Variants in CPSF3 observed in about 807,000 individuals in gnomAD.
CPSF3 encodes cleavage and polyadenylation specificity factor subunit 3.
Under a neutral mutation model 84.1 loss-of-function variants are expected in CPSF3, and 57 were observed. That is an observed-to-expected ratio of 0.68 (90% CI 0.55 to 0.85). The LOEUF is 0.85. Ranked by LOEUF, CPSF3 falls within the 40% of genes least tolerant of loss-of-function variation. The pLI is 0.00. For synonymous variants in CPSF3, 275 were observed against 278.1 expected (o/e 0.99, Z 0.11); for missense variants, 522 against 838.8 (o/e 0.62, Z 4.66).
chr2:9,446,703 G>T (rs1379389733), intron 10 of CPSF3, among the ~76,000 whole-genome samples: 1 of 152,026 alleles, frequency 6.6e-6, no homozygotes, highest in South Asian at 2.1e-4. Flanking sequence ...GCTGCAGTGA[G>T]CCAAGATCAC....
At chr2:9,429,070 C>G (rs913241954) in intron 2 of CPSF3, among the ~76,000 whole-genome samples, 1 of 152,234 alleles carries the variant, frequency 6.6e-6, no homozygotes, top group Non-Finnish European at 1.5e-5. Context: ...GTTACCTCTT[C>G]AAAGTCCCTC....
At position 9,429,934 on chromosome 2, in the gene CPSF3, G is replaced by A. The variant is rs752123486; in HGVS notation, c.126G>A (p.Gly42=). The A allele has an allele frequency of 5.0e-6, 8 of 1,595,724 alleles. No individual in the cohort carries two copies. The highest frequency in any genetic ancestry group is 6.8e-6 in the Non-Finnish European group (8 of 1,173,218). The change falls in exon 3 of 18, where the codon GGG becomes GGA. Residue 42 remains glycine, a synonymous_variant. Coordinates refer to ENST00000238112, the MANE Select transcript of CPSF3 (RefSeq NM_016207.4). ...CCTGTTTCTTTCAGCTCGACTGTGG[G>A]ATCCACCCTGGCCTAGAAGGAATGG... ...FKGRKIMLDC[G]IHPGLEGMDA...
intron 16 of CPSF3, 150 bp from the exon 17 acceptor site, chr2:9,471,193 C>A (rs6731840): frequency 0.028 from 12,736 of 451,560 alleles, 1,435 homozygotes; most frequent in African/African-American, 0.24. Flanking sequence ...CAGCCTGGGC[C>A]ACAGAGCAAG....
intron 15 of CPSF3, among the ~76,000 whole-genome samples, chr2:9,463,978 T>G (rs942710701): frequency 6.6e-6 from 1 of 152,194 alleles, no homozygotes; most frequent in African/African-American, 2.4e-5. Flanking sequence ...CGATTCTTCC[T>G]TGATGGCATT....
intron 12 of CPSF3, among the ~76,000 whole-genome samples, chr2:9,454,778 T>C (rs1249035057): frequency 6.6e-6 from 1 of 151,968 alleles, no homozygotes; most frequent in Non-Finnish European, 1.5e-5. Context: ...TCTCCTGACC[T>C]CGTGATCCAC....
chr2:9,446,563 G>A (rs1161478429), intron 10 of CPSF3, among the ~76,000 whole-genome samples: 3 of 146,872 alleles, frequency 2.0e-5, no homozygotes, highest in Admixed American at 6.8e-5. Context: ...CCTGGGCGAC[G>A]GAGCGAGACT....
At chr2:9,456,073 A>G (rs971778488) in intron 13 of CPSF3, among the ~76,000 whole-genome samples, 1 of 152,186 alleles carries the variant, frequency 6.6e-6, no homozygotes, top group Non-Finnish European at 1.5e-5. Flanking sequence ...TTATGTTTGA[A>G]ATCTATTTTC....
Position 9,440,500 on chromosome 2 carries a change from G to A in CPSF3, c.770G>A (p.Trp257Ter). 1 of 1,613,224 alleles carries A rather than the reference G, an allele frequency of 6.2e-7. No individual in the cohort carries two copies. Among genetic ancestry groups the A allele is most frequent in the Non-Finnish European group, 8.5e-7 (1 of 1,179,474 alleles). ...QELLLILDEY[W>*]QNHPELHDIP... The stretch of plus-strand genomic sequence containing the variant: ...TGCAAAATCTCTCTAGATGAGTACT[G>A]GCAGAATCACCCAGAACTACATGAC... The change falls in exon 8 of 18, where the codon TGG becomes TAG. Residue 257 changes from tryptophan to a stop codon, truncating the protein, a stop_gained. Coordinates refer to ENST00000238112, the MANE Select transcript of CPSF3 (RefSeq NM_016207.4). LOFTEE classifies it high-confidence loss of function.
At chr2:9,466,641 T>C (rs1681992516) in intron 15 of CPSF3, among the ~76,000 whole-genome samples, 1 of 152,166 alleles carries the variant, frequency 6.6e-6, no homozygotes, top group African/African-American at 2.4e-5. Context: ...AGGAACCCCA[T>C]ATCCCTTACG....
Position 9,440,732 on chromosome 2 carries a change from C to T in CPSF3, c.936+66C>T, listed in dbSNP as rs1479359542. On this transcript the variant is annotated intron_variant, in intron 8 of 17. Coordinates refer to ENST00000238112, the MANE Select transcript of CPSF3 (RefSeq NM_016207.4). Reference sequence around the variant, plus strand: ...AATCAGTCATTAGTAGTAGGAGGTACGAGGCCGTGAGTGATGGCTCACAGC... The same window carrying T: ...AATCAGTCATTAGTAGTAGGAGGTATGAGGCCGTGAGTGATGGCTCACAGC... 14 of 1,516,822 alleles carry T rather than the reference C, an allele frequency of 9.2e-6. No homozygotes were observed. The South Asian group carries it at 1.3e-4, about 14-fold the overall frequency. 94.0% of individuals were successfully genotyped at this position (1,516,822 alleles called of 1,614,324 possible).
intron 7 of CPSF3, among the ~76,000 whole-genome samples, chr2:9,436,867 C>T (rs1347346463): frequency 2.0e-5 from 3 of 151,852 alleles, no homozygotes; most frequent in African/African-American, 7.3e-5. Context: ...TGTGAACTGG[C>T]GACCCCTTCC....
At chr2:9,427,794 A>G (rs1680441540) in intron 1 of CPSF3, among the ~76,000 whole-genome samples, 2 of 152,152 alleles carry the variant, frequency 1.3e-5, no homozygotes, top group African/African-American at 4.8e-5. Context: ...AATGGTTGGG[A>G]AAAGGCATCA....
rs994866879 is a variant in CPSF3, at chr2:9,464,897, A to AT, written c.1787-2801dup. Among the ~76,000 whole-genome samples, 10 of 149,322 alleles carry AT rather than the reference A, an allele frequency of 6.7e-5. 1 individual carries two copies. Among genetic ancestry groups the AT allele is most frequent in the South Asian group, 4.2e-4 (2 of 4,710 alleles). On this transcript the variant is annotated intron_variant, in intron 15 of 17. Coordinates refer to ENST00000238112, the MANE Select transcript of CPSF3 (RefSeq NM_016207.4). ...GTGAGCCACTGCACCTGGGCTTACT[A>AT]TTTTTTTTTAATGGAGATGGGGTCT...
chr2:9,458,903 G>A lies in CPSF3; in HGVS notation c.1699-628G>A, dbSNP rs560980555. Among the ~76,000 whole-genome samples, 18 of 152,092 alleles carry A rather than the reference G, an allele frequency of 1.2e-4. No homozygotes were observed. In the East Asian group the frequency reaches 2.7e-3, roughly 23 times the overall value. On this transcript the variant is annotated intron_variant, in intron 14 of 17. Coordinates refer to ENST00000238112, the MANE Select transcript of CPSF3 (RefSeq NM_016207.4). ...CGAGGTGGGCGGATCACCTGAGGTCGGGAGTTAGAGACCAGGCTGACCAAC... is the reference window on the plus strand; with the variant it reads ...CGAGGTGGGCGGATCACCTGAGGTCAGGAGTTAGAGACCAGGCTGACCAAC...
chr2:9,463,164 G>A (rs910545008), intron 15 of CPSF3, among the ~76,000 whole-genome samples: 1 of 152,190 alleles, frequency 6.6e-6, no homozygotes, highest in African/African-American at 2.4e-5. Flanking sequence ...AGATCCCATA[G>A]GGTCTTGTTG....
chr2:9,454,348 C>G (rs762414465), intron 12 of CPSF3, among the ~76,000 whole-genome samples: 23 of 152,054 alleles, frequency 1.5e-4, no homozygotes, highest in Admixed American at 6.6e-4. Flanking sequence ...GCAGAGGTTA[C>G]AGTGAGCCGA....
chr2:9,472,886 C>A (rs1682229862), intron 17 of CPSF3, 30 bp from the exon 18 acceptor site: 1 of 1,343,234 alleles, frequency 7.4e-7, no homozygotes, highest in South Asian at 1.2e-5. Context: ...AGACTTAATT[C>A]TAACAGTCTT....
intron 17 of CPSF3, among the ~76,000 whole-genome samples, chr2:9,471,919 T>G (rs1004197017): frequency 1.3e-5 from 2 of 149,858 alleles, no homozygotes; most frequent in Non-Finnish European, 3.0e-5. Flanking sequence ...GGCAGGAGAA[T>G]TGCTTGAAAC....
intron 16 of CPSF3, among the ~76,000 whole-genome samples, chr2:9,470,320 A>C (rs986843976): frequency 1.3e-5 from 2 of 152,216 alleles, no homozygotes. Context: ...CTGAAGATGC[A>C]AGGAGTTGAT....
Sources: gnomAD v4.1 joint callset for allele counts (sites outside exome capture counted in the v4.1 genomes callset) on GRCh38, gnomAD v4.1.1 for gene constraint, MANE v1.5 for transcripts, NCBI Gene and HGNC (gene_info 2026-07-23, HGNC 2026-07-21) for gene names.